The following NKTR variants were observed in gnomAD, a reference collection of about 807,000 sequenced individuals.
NKTR encodes natural killer cell triggering receptor.
NKTR carries 67 observed loss-of-function variants against 156.3 expected under a neutral mutation model. That is an observed-to-expected ratio of 0.43 (90% CI 0.35 to 0.53). NKTR has a LOEUF of 0.53. NKTR is among the 20% of genes least tolerant of loss of function. NKTR has a pLI of 0.01. For synonymous variants in NKTR, 640 were observed against 596.6 expected, an observed-to-expected ratio of 1.07 and a Z score of -1.06; for missense variants, 1,604 against 1,730.9, an observed-to-expected ratio of 0.93 and a Z score of 1.30.
At chr3:42,602,862 A>G (rs1705687096) in intron 2 of NKTR, 1 of 151,318 alleles carries the variant, frequency 6.6e-6, no homozygotes. Flanking sequence ...ACAAAAAATA[A>G]AAAAATTAGC....
At chr3:42,619,232 A>G (rs1029897285) in intron 4 of NKTR, 105 bp downstream of exon 4, 16 of 1,531,792 alleles carry the variant, frequency 1.0e-5, no homozygotes, top group Non-Finnish European at 1.4e-5. Context: ...TATGATATAA[A>G]ATGTGGTCAG....
intron 2 of NKTR, among the ~76,000 whole-genome samples, chr3:42,606,535 G>C (rs1706254423): frequency 6.6e-6 from 1 of 152,144 alleles, no homozygotes; most frequent in Admixed American, 6.5e-5. Flanking sequence ...CCGAGAGACA[G>C]TGCTGTAAAG....
At chr3:42,625,665 TAGTA>T (rs1437559772) in intron 6 of NKTR, among the ~76,000 whole-genome samples, 2 of 152,146 alleles carry the variant, frequency 1.3e-5, no homozygotes, top group Admixed American at 6.6e-5. Context: ...GAAGAAATGC[TAGTA>T]AGTGTTAATA....
At chr3:42,602,396 C>T (rs943852991) in intron 2 of NKTR, 1 of 152,154 alleles carries the variant, frequency 6.6e-6, no homozygotes, top group African/African-American at 2.4e-5. Context: ...TTACACATTT[C>T]TCAGAATCCG....
At position 42,631,164 on chromosome 3, in the gene NKTR, A is replaced by C; in HGVS notation, c.405-7A>C. On this transcript the variant is annotated splice_polypyrimidine_tract_variant and splice_region_variant and intron_variant, in intron 7 of 16. Transcript: ENST00000232978. ...ACCAGTTGTTTCTTGAATTTGTATT[A>C]TGACAGGGTGCATGTAGTCTTTGGA... 1 of 1,613,324 alleles carries C rather than the reference A, an allele frequency of 6.2e-7. No individual in the cohort carries two copies.
chr3:42,631,231 T>A lies in NKTR; in HGVS notation c.465T>A (p.Asn155Lys). 3.7e-6 allele frequency: 6 copies of A among 1,614,080 alleles called. No homozygotes were observed. The highest frequency in any genetic ancestry group is 5.1e-6 in the Non-Finnish European group (6 of 1,179,996). ...SGFEVIEQIE[N>K]LKTDAASRPY... ...TTGAAGTAATCGAACAAATTGAAAA[T>A]CTGAAGACCGATGCTGCAAGCAGAC... Residue 155 changes from asparagine to lysine, a missense_variant, in exon 8 of 17, where the codon AAT becomes AAA. By Grantham distance (94) the Asn-to-Lys change is moderately conservative. Around this residue, in one of 6 missense-constraint regions of NKTR, gnomAD observed 61 missense variants for 113.3 expected, o/e 0.54. Transcript: ENST00000232978.
rs575936055 is a variant in NKTR, at chr3:42,612,799, G to T, written c.59-4771G>T. 5.3e-4 allele frequency among the ~76,000 whole-genome samples: 81 copies of T among 151,900 alleles called. No homozygotes were observed. In the East Asian group the frequency reaches 0.011, roughly 21 times the overall value. On this transcript the variant is annotated intron_variant, in intron 2 of 16. Transcript: ENST00000232978. ...AGCTGGTCTTCTTTCTTTTTTCTTT[G>T]TGAACGATATGATTCTACTGCCTGG...
At chr3:42,630,149 G>C (rs1708757557) in intron 6 of NKTR, 1 of 1,005,602 alleles carries the variant, frequency 9.9e-7, no homozygotes, top group Non-Finnish European at 1.2e-6. Flanking sequence ...GCAAATAGGA[G>C]GTGCTTTTCT....
chr3:42,646,273 A>G lies in NKTR; in HGVS notation c.*298A>G, dbSNP rs139368112. 4.2e-5 allele frequency: 12 copies of G among 287,908 alleles called. No homozygotes were observed. Among genetic ancestry groups the G allele is most frequent in the African/African-American group, 1.5e-4 (7 of 46,078 alleles). The allele number at this position is 287,908 out of a possible 1,614,324, so 17.8% of individuals were successfully genotyped here. ...TAATTTGCAATATTATTTTAAGTCT[A>G]TTTCACTCTATCTTACGTATCCCTT... On this transcript the variant is annotated 3_prime_UTR_variant, in exon 17 of 17. Transcript: ENST00000232978.
In NKTR at chr3:42,627,746, G is replaced by A. The variant is rs1559570903; in HGVS notation, c.375-2800G>A. On this transcript the variant is annotated intron_variant, in intron 6 of 16. Coordinates refer to ENST00000232978, the MANE Select transcript of NKTR (RefSeq NM_005385.4). ...GGTTTTACAATTTGAAATGTTCTTT[G>A]TGGTTTTTTCTTTTTTAGGTATGTT... 4.1e-6 allele frequency: 4 copies of A among 983,346 alleles called. No individual in the cohort carries two copies. In the African/African-American group the frequency reaches 5.2e-5, roughly 13 times the overall value. 60.9% of individuals were successfully genotyped at this position (983,346 alleles called of 1,614,324 possible).
chr3:42,644,190 C>T (rs1710162437), intron 16 of NKTR, among the ~76,000 whole-genome samples, 187 bp downstream of exon 16: 1 of 152,074 alleles, frequency 6.6e-6, no homozygotes, highest in Non-Finnish European at 1.5e-5. Context: ...TAAGAGTTGC[C>T]AGGTAATATT....
intron 2 of NKTR, among the ~76,000 whole-genome samples, chr3:42,605,968 T>C (rs1706192417): frequency 6.6e-6 from 1 of 152,218 alleles, no homozygotes; most frequent in South Asian, 2.1e-4. Flanking sequence ...TTAGGCACAC[T>C]ACTGTTTGGT....
rs1272445260 is a variant in NKTR, at chr3:42,637,221, A to C, written c.1517A>C (p.Asp506Ala). 5 of 1,611,458 alleles carry C rather than the reference A, an allele frequency of 3.1e-6. No homozygotes were observed. The highest frequency in any genetic ancestry group is 4.2e-6 in the Non-Finnish European group (5 of 1,179,314). The change falls in exon 13 of 17, where the codon GAT (aspartate) becomes GCT (alanine). Residue 506 changes from aspartate (D) to alanine (A), a missense_variant. By Grantham distance (126) the Asp-to-Ala change is moderately radical. Transcript: ENST00000232978. ...SKRDWSKSDKDVQSSLTHSSR... is the reference protein window; with the variant it reads ...SKRDWSKSDKAVQSSLTHSSR... The stretch of plus-strand genomic sequence containing the variant: ...AGAGACTGGTCTAAATCTGATAAGG[A>C]TGTCCAGAGCTCTTTAACCCATTCC...
chr3:42,638,109 G>A lies in NKTR; in HGVS notation c.2405G>A (p.Arg802Lys), dbSNP rs551626522. 14 of 1,614,028 alleles carry A rather than the reference G, an allele frequency of 8.7e-6. No homozygotes were observed. In the African/African-American group the frequency reaches 1.6e-4, roughly 18 times the overall value. The change falls in exon 13 of 17, where the codon AGA (arginine) becomes AAA (lysine). Residue 802 changes from arginine to lysine, a missense_variant. Arg to Lys is a conservative substitution (Grantham distance 26, BLOSUM62 2). Transcript: ENST00000232978. ...SSCVRKYSES[R>K]SSLDYSSDSE... is the part of the protein sequence containing the mutation. ...TGTGTGAGAAAGTATAGCGAGAGCA[G>A]ATCATCTTTAGATTATTCTTCAGAC...
chr3:42,620,684 ACT>A, intron 5 of NKTR: 1 of 984,428 alleles, frequency 1.0e-6, no homozygotes, highest in Non-Finnish European at 1.2e-6. Context: ...AATTAAAATA[ACT>A]CTAAGTGATC....
chr3:42,635,331 A>G lies in NKTR; in HGVS notation c.1128A>G (p.Arg376=), dbSNP rs1195791042. The G allele has an allele frequency of 7.4e-6, 12 of 1,613,020 alleles. No individual in the cohort carries two copies. The highest frequency in any genetic ancestry group is 5.1e-6 in the Non-Finnish European group (6 of 1,179,524). ...AAATGCAGAGATTAAGAGCATATAG[A>G]CCACCTAGTGGAGAAAAATGGAGTA... ...KEEMQRLRAY[R]PPSGEKWSKG... is the part of the protein sequence containing the mutation. Residue 376 remains arginine, a synonymous_variant, in exon 12 of 17, where the codon AGA becomes AGG. Transcript: ENST00000232978.
intron 6 of NKTR, chr3:42,628,276 TCGTG>T: frequency 1.0e-6 from 1 of 985,438 alleles, no homozygotes; most frequent in African/African-American, 1.7e-5. Context: ...AAATAGTCAT[TCGTG>T]TCTTCATTTG....
chr3:42,647,235 T>C lies in NKTR; in HGVS notation c.*1260T>C, dbSNP rs1250254072. On this transcript the variant is annotated 3_prime_UTR_variant, in exon 17 of 17. Coordinates refer to ENST00000232978, the MANE Select transcript of NKTR (RefSeq NM_005385.4). Reference sequence around the variant, plus strand: ...TACATATTTTCATGGCTTTGGGTGGTTCCTCCAAAAATAATTGGACCTGTA... The same window carrying C: ...TACATATTTTCATGGCTTTGGGTGGCTCCTCCAAAAATAATTGGACCTGTA... 6.7e-6 allele frequency: 1 copy of C among 148,568 alleles called. No homozygotes were observed. Among genetic ancestry groups the C allele is most frequent in the Non-Finnish European group, 1.5e-5 (1 of 67,854 alleles). The allele number at this position is 148,568 out of a possible 1,614,324, so 9.2% of individuals were successfully genotyped here. A position where few individuals can be genotyped will look rare whatever the true frequency, so the allele number is the denominator to read the frequency against.
At position 42,619,088 on chromosome 3, in the gene NKTR, G is replaced by A. The variant is rs368069034; in HGVS notation, c.202G>A (p.Val68Ile). Residue 68 changes from valine (V) to isoleucine (I), a missense_variant, in exon 4 of 17, where the codon GTT becomes ATT. This residue lies in a region of NKTR where 73 missense variants were observed against 90.7 expected (regional missense o/e 0.80). Transcript: ENST00000232978. Reference protein sequence around the residue: ...CYKGSTFHRVVKNFMIQGGDF... With the variant: ...CYKGSTFHRVIKNFMIQGGDF... Reference sequence around the variant, plus strand: ...TAAAGGTTCTACGTTCCATCGTGTGGTTAAAAACTTTATGATTCAGGGTGG... The same window carrying A: ...TAAAGGTTCTACGTTCCATCGTGTGATTAAAAACTTTATGATTCAGGGTGG... 5.0e-5 allele frequency: 80 copies of A among 1,610,128 alleles called. No individual in the cohort carries two copies. The highest frequency in any genetic ancestry group is 6.4e-5 in the Non-Finnish European group (76 of 1,178,520).
Sources: gnomAD v4.1 joint callset for allele counts (sites outside exome capture counted in the v4.1 genomes callset) on GRCh38, gnomAD v4.1.1 for gene constraint, gnomAD v4.1.1 regional missense constraint, MANE v1.5 for transcripts, NCBI Gene and HGNC (gene_info 2026-07-23, HGNC 2026-07-21) for gene names.